ADAM28: variants seen among roughly 807,000 people sequenced by gnomAD.
The protein encoded by ADAM28 is ADAM metallopeptidase domain 28.
A neutral mutation model predicts 101.2 loss-of-function variants in ADAM28; 105 were observed. The observed-to-expected ratio is 1.04, with a 90% confidence interval of 0.89 to 1.22. ADAM28 has a LOEUF of 1.22. Among genes scored for constraint, ADAM28 ranks in the 50% most tolerant of loss-of-function variants. The probability of loss-of-function intolerance (pLI) is 0.00; values close to 1 mark genes in which losing one functional copy is unlikely to be tolerated. For missense variants in ADAM28, 1,028 were observed against 945.4 expected (o/e 1.09, Z -1.15); for synonymous variants, 322 against 310.6 (o/e 1.04, Z -0.39).
intron 19 of ADAM28, among the ~76,000 whole-genome samples, chr8:24,350,873 T>G (rs5004378): frequency 1.1e-3 from 17 of 15,456 alleles, no homozygotes; most frequent in South Asian, 6.6e-3. Flanking sequence ...TGTTTTTTTT[T>G]TTTTTTTTTT....
At chr8:24,342,539 C>T (rs1437545681) in intron 16 of ADAM28, among the ~76,000 whole-genome samples, 2 of 152,026 alleles carry the variant, frequency 1.3e-5, no homozygotes, top group Non-Finnish European at 2.9e-5. Flanking sequence ...TAAGAAGTAC[C>T]CACAGTATTT....
At chr8:24,294,950 T>C (rs1039087750) in intron 1 of ADAM28, among the ~76,000 whole-genome samples, 3 of 152,192 alleles carry the variant, frequency 2.0e-5, no homozygotes, top group Admixed American at 2.0e-4. Flanking sequence ...CAGAGCTTAT[T>C]TAACTCAGCA....
chr8:24,309,186 A>G (rs756164322), intron 2 of ADAM28, among the ~76,000 whole-genome samples: 1 of 152,084 alleles, frequency 6.6e-6, no homozygotes, highest in Non-Finnish European at 1.5e-5. Flanking sequence ...TTCCTTTTAC[A>G]TGGTTTACCC....
chr8:24,315,121 C>CAAAAGATAAAGAGTGGCTG (rs922088844), intron 6 of ADAM28, among the ~76,000 whole-genome samples: 2 of 151,766 alleles, frequency 1.3e-5, no homozygotes, highest in African/African-American at 4.8e-5. Flanking sequence ...ATTTTCCAAT[C>CAAAAGATAAAGAGTGGCTG]AAAAGATAAA....
chr8:24,339,406 A>T, intron 14 of ADAM28, 60 bp from the exon 15 acceptor site: 1 of 1,277,026 alleles, frequency 7.8e-7, no homozygotes, highest in Non-Finnish European at 1.1e-6. Context: ...TTTATTTTCA[A>T]GTATCTCTTG....
rs1812127990 is a variant in ADAM28, at chr8:24,323,333, C to A, written c.721-501C>A. ...TTCAACACATGAATTTTGGGGGACA[C>A]AAACATTCAAACTATAGCGACTACT... On this transcript the variant is annotated intron_variant, in intron 8 of 22. Transcript: ENST00000265769. 4.6e-5 allele frequency among the ~76,000 whole-genome samples: 7 copies of A among 152,054 alleles called. No individual in the cohort carries two copies. In the South Asian group the frequency reaches 1.5e-3, roughly 32 times the overall value.
intron 10 of ADAM28, among the ~76,000 whole-genome samples, chr8:24,329,418 C>T (rs1813048667): frequency 6.6e-6 from 1 of 152,146 alleles, no homozygotes; most frequent in South Asian, 2.1e-4. Flanking sequence ...TAGCTGCAAG[C>T]TCTAATTTAT....
At chr8:24,328,215 T>C (rs895831930) in intron 10 of ADAM28, among the ~76,000 whole-genome samples, 7 of 152,008 alleles carry the variant, frequency 4.6e-5, no homozygotes, top group Non-Finnish European at 1.0e-4. Context: ...CTTTCAGTTT[T>C]GTTTGTCTAA....
At chr8:24,327,893 T>A (rs1221901093) in intron 10 of ADAM28, among the ~76,000 whole-genome samples, 1 of 152,126 alleles carries the variant, frequency 6.6e-6, no homozygotes, top group Non-Finnish European at 1.5e-5. Context: ...ATCATATGTT[T>A]AACTTTATAT....
At chr8:24,348,290 CAG>C (rs763282947) in intron 18 of ADAM28, among the ~76,000 whole-genome samples, 3 of 152,134 alleles carry the variant, frequency 2.0e-5, no homozygotes, top group African/African-American at 4.8e-5. Context: ...AGAGAAAGAA[CAG>C]ACAGTTGACA....
At position 24,300,957 on chromosome 8, in the gene ADAM28, C is replaced by T. The variant is rs981944217; in HGVS notation, c.150+880C>T. 6.6e-5 allele frequency: 10 copies of T among 152,260 alleles called. No individual in the cohort carries two copies. In the East Asian group the frequency reaches 1.4e-3, roughly 21 times the overall value. 9.4% of individuals were successfully genotyped at this position (152,260 alleles called of 1,614,324 possible). ...GCAAATGAAACAACATATTCTCAGT[C>T]AACATTTACTCAATAAACATTTATT... On this transcript the variant is annotated intron_variant, in intron 2 of 22. Coordinates refer to ENST00000265769, the MANE Select transcript of ADAM28 (RefSeq NM_014265.6).
At chr8:24,308,068 C>T (rs571056161) in intron 2 of ADAM28, among the ~76,000 whole-genome samples, 5 of 152,292 alleles carry the variant, frequency 3.3e-5, no homozygotes, top group African/African-American at 1.2e-4. Context: ...AATCCACCCA[C>T]TAAATCAGAC....
At chr8:24,321,375 A>G in intron 8 of ADAM28, 86 bp downstream of exon 8, 1 of 1,103,256 alleles carries the variant, frequency 9.1e-7, no homozygotes, top group South Asian at 1.2e-5. Flanking sequence ...TGAAGCATGG[A>G]AGCAAAGTCA....
intron 18 of ADAM28, chr8:24,346,998 G>A (rs1479764024): frequency 1.3e-5 from 2 of 151,830 alleles, no homozygotes; most frequent in Non-Finnish European, 1.5e-5. Context: ...GAACATACCC[G>A]GACACATCAT....
intron 18 of ADAM28, among the ~76,000 whole-genome samples, 164 bp from the exon 19 acceptor site, chr8:24,349,691 TATTAATATA>T (rs1425329539): frequency 6.6e-6 from 1 of 152,304 alleles, no homozygotes; most frequent in Admixed American, 6.5e-5. Context: ...TTCTACCTAA[TATTAATATA>T]ATTATCCTGA....
In ADAM28 at chr8:24,313,443, C is replaced by A. The variant is rs140230044; in HGVS notation, c.439C>A (p.His147Asn). The change falls in exon 6 of 23, where the codon CAT becomes AAT. Residue 147 changes from histidine (H) to asparagine (N), a missense_variant. Physicochemically the swap from His to Asn is moderately conservative, Grantham distance 68. Coordinates refer to ENST00000265769, the MANE Select transcript of ADAM28 (RefSeq NM_014265.6). ...RYFIEPLSPI[H>N]RDGQEHALFK... ...CTTTATTGAACCTTTAAGCCCCATA[C>A]ATCGGGATGGACAGGAGCATGCACT... is the stretch of plus-strand genomic sequence containing the variant. 3,671 of 1,613,768 alleles carry A rather than the reference C, an allele frequency of 2.3e-3. 12 individuals carry two copies. Among genetic ancestry groups the A allele is most frequent in the Admixed American group, 2.9e-3 (176 of 59,938 alleles).
At chr8:24,322,688 C>G (rs1008621824) in intron 8 of ADAM28, 5 of 152,034 alleles carry the variant, frequency 3.3e-5, no homozygotes, top group Admixed American at 1.3e-4. Context: ...AAGAAAGGAA[C>G]AAGGAAGTTG....
chr8:24,301,487 AAAT>A (rs1251652943), intron 2 of ADAM28, among the ~76,000 whole-genome samples: 1 of 152,210 alleles, frequency 6.6e-6, no homozygotes, highest in African/African-American at 2.4e-5. Context: ...TTGGAAAAAA[AAAT>A]AAGGATTTTT....
At chr8:24,349,760 GA>G in intron 18 of ADAM28, 103 bp from the exon 19 acceptor site, 1 of 796,108 alleles carries the variant, frequency 1.3e-6, no homozygotes, top group Non-Finnish European at 2.0e-6. Context: ...GTTCATTGGA[GA>G]AAAGGGTAGC....
Sources: gnomAD v4.1 joint callset for allele counts (sites outside exome capture counted in the v4.1 genomes callset) on GRCh38, gnomAD v4.1.1 for gene constraint, MANE v1.5 for transcripts, NCBI Gene and HGNC (gene_info 2026-07-23, HGNC 2026-07-21) for gene names.